Variants in CHD6 observed in about 807,000 individuals in gnomAD.
The protein encoded by CHD6 is chromodomain helicase DNA binding protein 6.
A neutral mutation model predicts 276.9 loss-of-function variants in CHD6; 50 were observed. That is an observed-to-expected ratio of 0.18 (90% CI 0.14 to 0.23). The LOEUF (loss-of-function observed/expected upper bound fraction) is 0.23. CHD6 is among the 10% of genes least tolerant of loss of function. The probability of loss-of-function intolerance (pLI) is 1.00; values close to 1 mark genes in which losing one functional copy is unlikely to be tolerated. For synonymous variants in CHD6, 1,173 were observed against 1,229.3 expected (o/e 0.95, Z 0.96); for missense variants, 2,564 against 3,365.8 (o/e 0.76, Z 5.89).
At chr20:41,613,061 TATA>T (rs1406857733) in intron 1 of CHD6, among the ~76,000 whole-genome samples, 1 of 152,184 alleles carries the variant, frequency 6.6e-6, no homozygotes, top group Non-Finnish European at 1.5e-5. Context: ...ATCCTTTTTA[TATA>T]ATAACACCTG....
At chr20:41,579,748 C>A (rs1357590815) in intron 1 of CHD6, among the ~76,000 whole-genome samples, 1 of 152,018 alleles carries the variant, frequency 6.6e-6, no homozygotes, top group African/African-American at 2.4e-5. Flanking sequence ...ACCTCCTTAC[C>A]CTTAGGAAAA....
intron 5 of CHD6, among the ~76,000 whole-genome samples, chr20:41,506,654 GC>G (rs755657916): frequency 4.9e-4 from 75 of 152,166 alleles, no homozygotes; most frequent in Non-Finnish European, 9.7e-4. Flanking sequence ...TTTATTAACA[GC>G]CTCTCTCTAT....
chr20:41,547,039 G>T (rs1601125480), intron 2 of CHD6, among the ~76,000 whole-genome samples: 1 of 152,164 alleles, frequency 6.6e-6, no homozygotes, highest in Admixed American at 6.5e-5. Context: ...AAGAAATGAG[G>T]AATATCAAGA....
rs754149939 is a variant in CHD6, at chr20:41,421,585, A to G, written c.5050T>C (p.Ser1684Pro). The G allele has an allele frequency of 8.7e-6, 14 of 1,613,916 alleles. No individual in the cohort carries two copies. The South Asian group carries it at 1.3e-4, about 15-fold the overall frequency. ...LPDVTCENFI[S>P]KVQDVISINH... ...ATGGAAATGACATCCTGAACTTTAGAAATAAAGTTTTCACATGTCACATCA... is the reference window on the plus strand; with the variant it reads ...ATGGAAATGACATCCTGAACTTTAGGAATAAAGTTTTCACATGTCACATCA... The change falls in exon 31 of 37, where the codon TCT becomes CCT. Residue 1684 changes from serine (S) to proline (P), a missense_variant. This residue lies in a region of CHD6 where 1,024 missense variants were observed against 1,047.9 expected (regional missense o/e 0.98). Coordinates refer to ENST00000373233, the MANE Select transcript of CHD6 (RefSeq NM_032221.5).
At position 41,402,554 on chromosome 20, in the gene CHD6, A is replaced by T. The variant is rs2046563672; in HGVS notation, c.*2039T>A. 2 of 229,878 alleles carry T rather than the reference A, an allele frequency of 8.7e-6. No individual in the cohort carries two copies. The highest frequency in any genetic ancestry group is 1.7e-5 in the Non-Finnish European group (2 of 115,954). 14.2% of individuals were successfully genotyped at this position (229,878 alleles called of 1,614,324 possible). ...AACAAAGAAAACCAGACTCTGCTGG[A>T]TGTCTATAATACTCATTTGCAGTAA... On this transcript the variant is annotated 3_prime_UTR_variant, in exon 37 of 37. Coordinates refer to ENST00000373233, the MANE Select transcript of CHD6 (RefSeq NM_032221.5).
chr20:41,411,306 A>G (rs1011203591), intron 36 of CHD6, among the ~76,000 whole-genome samples: 1 of 152,028 alleles, frequency 6.6e-6, no homozygotes, highest in Non-Finnish European at 1.5e-5. Flanking sequence ...TTGGAGCTAT[A>G]AAAAGAAATC....
At chr20:41,543,045 G>A (rs6129861) in intron 2 of CHD6, among the ~76,000 whole-genome samples, 13,166 of 150,434 alleles carry the variant, frequency 0.088, 991 homozygotes, top group East Asian at 0.32. Context: ...TGGAGATTGC[G>A]GTGAGCCAAG....
At chr20:41,482,813 G>T (rs1420539861) in intron 16 of CHD6, among the ~76,000 whole-genome samples, 1 of 152,010 alleles carries the variant, frequency 6.6e-6, no homozygotes, top group Non-Finnish European at 1.5e-5. Context: ...AAATAAATTG[G>T]GATGCCATAG....
At chr20:41,557,302 A>C (rs1333049796) in intron 1 of CHD6, among the ~76,000 whole-genome samples, 9 of 152,170 alleles carry the variant, frequency 5.9e-5, no homozygotes, top group Non-Finnish European at 1.3e-4. Context: ...TGATGTGAAA[A>C]CAAACAATAT....
In CHD6 at chr20:41,420,682, G is replaced by A. The variant is rs751710775; in HGVS notation, c.5953C>T (p.Pro1985Ser). Residue 1985 changes from proline to serine, a missense_variant, in exon 31 of 37, where the codon CCA becomes TCA. By Grantham distance (74) the Pro-to-Ser change is moderately conservative. This residue lies in a region of CHD6 where 1,024 missense variants were observed against 1,047.9 expected (regional missense o/e 0.98). Transcript: ENST00000373233. ...TGCTTCACTTTAAACGGCTGTGATG[G>A]AATAGCAGTGGGTTCACCCTCCATG... ...IAMEGEPTAI[P>S]SQPFKVKHEL... The A allele has an allele frequency of 9.9e-6, 16 of 1,614,070 alleles. No individual in the cohort carries two copies. Among genetic ancestry groups the A allele is most frequent in the East Asian group, 2.2e-5 (1 of 44,904 alleles).
chr20:41,559,848 G>A (rs748939315), intron 1 of CHD6, among the ~76,000 whole-genome samples: 2 of 151,426 alleles, frequency 1.3e-5, no homozygotes, highest in Non-Finnish European at 2.9e-5. Context: ...CTTCCAAAAC[G>A]AAACTCAGTA....
chr20:41,468,527 C>T (rs1434860916), intron 17 of CHD6, among the ~76,000 whole-genome samples: 1 of 152,210 alleles, frequency 6.6e-6, no homozygotes, highest in Non-Finnish European at 1.5e-5. Flanking sequence ...ATAAAACTGT[C>T]AGTCTAGCTC....
Position 41,403,815 on chromosome 20 carries a change from G to A in CHD6, c.*778C>T, listed in dbSNP as rs188458115. On this transcript the variant is annotated 3_prime_UTR_variant, in exon 37 of 37. Transcript: ENST00000373233. ...CTTGTGAAGCAGCGTGTAGCTCTAC[G>A]GAGCGCGGGTCCTTGCCCCACCCCC... 2.3e-5 allele frequency: 24 copies of A among 1,057,586 alleles called. No individual in the cohort carries two copies. In the Admixed American group the frequency reaches 4.3e-4, roughly 19 times the overall value. 65.5% of individuals were successfully genotyped at this position (1,057,586 alleles called of 1,614,324 possible).
At chr20:41,552,738 A>G (rs1473870573) in intron 1 of CHD6, among the ~76,000 whole-genome samples, 1 of 152,178 alleles carries the variant, frequency 6.6e-6, no homozygotes, top group African/African-American at 2.4e-5. Flanking sequence ...AAGAACCACA[A>G]AATGCCATGG....
rs1231350729 is a variant in CHD6 at position 41,489,816 on chromosome 20, T to C, written c.1642A>G (p.Met548Val). Residue 548 changes from methionine to valine, a missense_variant, in exon 12 of 37, where the codon ATG (methionine) becomes GTG (valine). Met to Val is a conservative substitution (Grantham distance 21, BLOSUM62 1). Around this residue, in one of 7 missense-constraint regions of CHD6, gnomAD observed 457 missense variants for 889.0 expected, o/e 0.51. Transcript: ENST00000373233. The stretch of plus-strand genomic sequence containing the variant: ...TACACCATTTCATACTGCTGGATCA[T>C]CTGCCTGCTGATCTGGCTGCCGTGG... The part of the protein sequence containing the change: ...VYHGSQISRQ[M>V]IQQYEMVYRD... 1 of 1,614,008 alleles carries C rather than the reference T, an allele frequency of 6.2e-7. No homozygotes were observed.
At chr20:41,581,855 A>T (rs1269282607) in intron 1 of CHD6, among the ~76,000 whole-genome samples, 1 of 152,240 alleles carries the variant, frequency 6.6e-6, no homozygotes. Context: ...ATACTGGAGA[A>T]GCAGAAGACA....
chr20:41,567,546 C>G (rs1440650781), intron 1 of CHD6, among the ~76,000 whole-genome samples: 2 of 151,964 alleles, frequency 1.3e-5, no homozygotes, highest in African/African-American at 4.8e-5. Context: ...TGTACACTCT[C>G]CTGATCCCCA....
Position 41,519,216 on chromosome 20 carries a change from G to C in CHD6, c.555-4264C>G, listed in dbSNP as rs560050276. Among the ~76,000 whole-genome samples, 58 of 152,364 alleles carry C rather than the reference G, an allele frequency of 3.8e-4. 1 individual carries two copies. Among genetic ancestry groups the C allele is most frequent in the Non-Finnish European group, 7.2e-4 (49 of 68,036 alleles). ...GAGAATTGTTTGAGCCTGGAAGGCA[G>C]AGGTTGCAGTGAGCACAGATCATGC... is the stretch of plus-strand genomic sequence containing the variant. On this transcript the variant is annotated intron_variant, in intron 3 of 36. Coordinates refer to ENST00000373233, the MANE Select transcript of CHD6 (RefSeq NM_032221.5).
chr20:41,492,837 C>T (rs576365521), intron 10 of CHD6, among the ~76,000 whole-genome samples: 45 of 152,360 alleles, frequency 3.0e-4, no homozygotes, highest in African/African-American at 1.1e-3. Context: ...AGGAGAATTG[C>T]TTGAACTCGG....
Sources: allele counts gnomAD v4.1 joint callset (sites outside exome capture counted in the v4.1 genomes callset), GRCh38; gene constraint gnomAD v4.1.1; regional missense constraint gnomAD v4.1.1; transcripts MANE v1.5; gene names NCBI Gene and HGNC (gene_info 2026-07-23, HGNC 2026-07-21).